RAI2: variants seen among roughly 807,000 people sequenced by gnomAD.
RAI2 encodes retinoic acid induced 2.
Under a neutral mutation model 15.3 loss-of-function variants are expected in RAI2, and 5 were observed. That is an observed-to-expected ratio of 0.33 (90% CI 0.17 to 0.69). RAI2 has a LOEUF of 0.69. RAI2 is among the 30% of genes least tolerant of loss of function. RAI2 has a pLI of 0.69. For synonymous variants in RAI2, 191 were observed against 184.0 expected (o/e 1.04, Z -0.31); for missense variants, 424 against 424.7 (o/e 1.00, Z 0.01).
intron 1 of RAI2, among the ~76,000 whole-genome samples, chrX:17,827,253 T>A (rs968124820): frequency 3.6e-5 from 4 of 111,639 alleles, no homozygotes; most frequent in Non-Finnish European, 7.5e-5. Flanking sequence ...GTGATCCCCT[T>A]GCAGGCCACA....
intron 1 of RAI2, among the ~76,000 whole-genome samples, chrX:17,843,415 C>T (rs1055536683): frequency 2.7e-5 from 3 of 112,346 alleles, no homozygotes; most frequent in Non-Finnish European, 3.8e-5. Flanking sequence ...ACAGAAAAGC[C>T]ATCCAACCCT....
intron 1 of RAI2, among the ~76,000 whole-genome samples, chrX:17,812,660 C>T (rs979807285): frequency 9.9e-5 from 11 of 111,601 alleles, no homozygotes; most frequent in African/African-American, 3.3e-4. Flanking sequence ...CTCCTTTGCA[C>T]GAGAGCTTAA....
chrX:17,810,067 C>T (rs1017265386), intron 1 of RAI2, among the ~76,000 whole-genome samples: 5 of 111,601 alleles, frequency 4.5e-5, no homozygotes, highest in Non-Finnish European at 9.4e-5. Flanking sequence ...CCACCGTGCC[C>T]GGCCCCACCC....
At chrX:17,857,670 G>C (rs1020258884) in intron 1 of RAI2, among the ~76,000 whole-genome samples, 11 of 110,545 alleles carry the variant, frequency 1.0e-4, no homozygotes, top group Non-Finnish European at 1.5e-4. Context: ...CCAACCAAAC[G>C]TACAAATCTC....
Position 17,861,233 on chromosome X carries a change from C to A in RAI2, c.-160G>T. On this transcript the variant is annotated 5_prime_UTR_variant, in exon 1 of 2. Transcript: ENST00000451717. ...GCCGCCGTCGCCGCTGTCACCGAGTCGCTGTCGCCGCCGCCGCTGCTGGTT... is the reference window on the plus strand; with the variant it reads ...GCCGCCGTCGCCGCTGTCACCGAGTAGCTGTCGCCGCCGCCGCTGCTGGTT... 8.7e-6 allele frequency: 1 copy of A among 115,083 alleles called. No homozygotes were observed. The highest frequency in any genetic ancestry group is 3.5e-4 in the South Asian group (1 of 2,828). The allele number at this position is 115,083 out of a possible 1,213,427, so 9.5% of individuals were successfully genotyped here. A position where few individuals can be genotyped will look rare whatever the true frequency, so the allele number is the denominator to read the frequency against.
At chrX:17,822,177 G>A (rs2067173571) in intron 1 of RAI2, among the ~76,000 whole-genome samples, 1 of 111,875 alleles carries the variant, frequency 8.9e-6, no homozygotes, top group African/African-American at 3.2e-5. Context: ...AGAAATATAC[G>A]ATTAATAATT....
At chrX:17,802,975 C>T (rs567388891) in intron 1 of RAI2, among the ~76,000 whole-genome samples, 5 of 111,607 alleles carry the variant, frequency 4.5e-5, no homozygotes, top group African/African-American at 1.6e-4. Context: ...CATATTTGGC[C>T]TCGTTACCAT....
At chrX:17,843,850 A>T (rs1050426984) in intron 1 of RAI2, among the ~76,000 whole-genome samples, 3 of 112,724 alleles carry the variant, frequency 2.7e-5, no homozygotes, top group African/African-American at 9.7e-5. Context: ...GTTCCCTAAG[A>T]GTACCCCATC....
At chrX:17,842,563 C>T (rs191161064) in intron 1 of RAI2, among the ~76,000 whole-genome samples, 25 of 107,157 alleles carry the variant, frequency 2.3e-4, no homozygotes, top group Admixed American at 1.9e-3. Flanking sequence ...CATAAATGAT[C>T]GGCAAAGTTT....
chrX:17,842,200 C>T lies in RAI2; in HGVS notation c.-25+18898G>A, dbSNP rs1307542822. 3.6e-5 allele frequency among the ~76,000 whole-genome samples: 4 copies of T among 111,166 alleles called. No individual in the cohort carries two copies. In the East Asian group the frequency reaches 1.1e-3, roughly 32 times the overall value. The stretch of plus-strand genomic sequence containing the variant: ...ATTTGGCCCCTTTGACTCTAAAGGG[C>T]GATCCCTTTCCATTGCATCCCCTTA... On this transcript the variant is annotated intron_variant, in intron 1 of 1. Coordinates refer to ENST00000451717, the MANE Select transcript of RAI2 (RefSeq NM_021785.6).
Position 17,853,727 on chromosome X carries a change from T to C in RAI2, c.-25+7371A>G, listed in dbSNP as rs540166316. ...TTTCAAAATCTAAGGCAGGTTTACA[T>C]ATATGTTGACTAACATATTTACTCC... On this transcript the variant is annotated intron_variant, in intron 1 of 1. Coordinates refer to ENST00000451717, the MANE Select transcript of RAI2 (RefSeq NM_021785.6). Among the ~76,000 whole-genome samples, 68 of 111,619 alleles carry C rather than the reference T, an allele frequency of 6.1e-4. No individual in the cohort carries two copies. In the Middle Eastern group the frequency reaches 0.023, roughly 38 times the overall value.
rs148766550 is a variant in RAI2 at position 17,812,183 on chromosome X, C to G, written c.-24-10149G>C. On this transcript the variant is annotated intron_variant, in intron 1 of 1. Transcript: ENST00000451717. ...ATTGTGCCATTGGCATCATTGGCAT[C>G]ATCAGATCCACCGGCCATATTTCTT... Among the ~76,000 whole-genome samples, 341 of 110,903 alleles carry G rather than the reference C, an allele frequency of 3.1e-3. 2 individuals carry two copies. Among genetic ancestry groups the G allele is most frequent in the East Asian group, 0.027 (98 of 3,567 alleles).
intron 1 of RAI2, among the ~76,000 whole-genome samples, chrX:17,814,513 G>A (rs755685344): frequency 1.9e-5 from 2 of 108,002 alleles, no homozygotes; most frequent in South Asian, 4.3e-4. Context: ...TGTGAATATC[G>A]AAATGTCATT....
In RAI2 at chrX:17,801,371, G is replaced by A; in HGVS notation, c.640C>T (p.Pro214Ser). The change falls in exon 2 of 2, where the codon CCA (proline) becomes TCA (serine). Residue 214 changes from proline (P) to serine (S), a missense_variant. Physicochemically the swap from Pro to Ser is moderately conservative, Grantham distance 74. Coordinates refer to ENST00000451717, the MANE Select transcript of RAI2 (RefSeq NM_021785.6). ...QPPPGYAPVP[P>S]QPFSSPLSPL... is the part of the protein sequence containing the mutation. ...GACAAGGGGGAGCTAAAAGGCTGTG[G>A]GGGCACAGGGGCATAGCCAGGAGGA... 2 of 1,149,607 alleles carry A rather than the reference G, an allele frequency of 1.7e-6. No homozygotes were observed. The highest frequency in any genetic ancestry group is 2.3e-6 in the Non-Finnish European group (2 of 864,586). The allele number at this position is 1,149,607 out of a possible 1,213,427, so 94.7% of individuals were successfully genotyped here.
chrX:17,818,205 C>T lies in RAI2; in HGVS notation c.-24-16171G>A, dbSNP rs1352239012. Among the ~76,000 whole-genome samples the T allele has an allele frequency of 7.1e-5, 8 of 112,486 alleles. No individual in the cohort carries two copies. In the Admixed American group the frequency reaches 7.5e-4, roughly 11 times the overall value. Reference sequence around the variant, plus strand: ...CAGAGCTGACTTGAACCCAGCCTCCCACCCCCTAAACCAAGGTTGATAAAA... The same window carrying T: ...CAGAGCTGACTTGAACCCAGCCTCCTACCCCCTAAACCAAGGTTGATAAAA... On this transcript the variant is annotated intron_variant, in intron 1 of 1. Coordinates refer to ENST00000451717, the MANE Select transcript of RAI2 (RefSeq NM_021785.6).
chrX:17,815,984 GCTCCTCCTC>G lies in RAI2; in HGVS notation c.-24-13959_-24-13951del, dbSNP rs746096052. On this transcript the variant is annotated intron_variant, in intron 1 of 1. Transcript: ENST00000451717. ...CCGTTTAATTTGCAGGGCTTTGCTAGCTCCTCCTCCTCCTCCTCCTCCTCTTTCTTGTTC... is the reference window on the plus strand; with the variant it reads ...CCGTTTAATTTGCAGGGCTTTGCTAGCTCCTCCTCCTCCTCTTTCTTGTTC... Among the ~76,000 whole-genome samples, 47 of 108,448 alleles carry G rather than the reference GCTCCTCCTC, an allele frequency of 4.3e-4. No individual in the cohort carries two copies. In the Admixed American group the frequency reaches 4.6e-3, roughly 11 times the overall value. 94.2% of individuals were successfully genotyped at this position (108,448 alleles called of 115,157 possible). A position where few individuals can be genotyped will look rare whatever the true frequency, so the allele number is the denominator to read the frequency against.
At chrX:17,811,130 G>A (rs1232930186) in intron 1 of RAI2, among the ~76,000 whole-genome samples, 1 of 112,657 alleles carries the variant, frequency 8.9e-6, no homozygotes, top group East Asian at 2.8e-4. Flanking sequence ...AGGAACAAAT[G>A]TATATTTTCT....
At chrX:17,860,938 G>C (rs2067681386) in intron 1 of RAI2, among the ~76,000 whole-genome samples, 160 bp downstream of exon 1, 1 of 104,467 alleles carries the variant, frequency 9.6e-6, no homozygotes, top group Middle Eastern at 4.4e-3. Flanking sequence ...AGCCGGCCCC[G>C]GCCTCCGGGC....
chrX:17,837,333 T>G (rs2067346692), intron 1 of RAI2, among the ~76,000 whole-genome samples: 2 of 112,167 alleles, frequency 1.8e-5, no homozygotes, highest in African/African-American at 6.5e-5. Context: ...CTTCACTCTC[T>G]GAAATCCTTA....
Sources: allele counts gnomAD v4.1 joint callset (sites outside exome capture counted in the v4.1 genomes callset), GRCh38; gene constraint gnomAD v4.1.1; transcripts MANE v1.5; gene names NCBI Gene and HGNC (gene_info 2026-07-23, HGNC 2026-07-21).